The following RPS6KC1 variants were observed in gnomAD, a reference collection of about 807,000 sequenced individuals.
The protein encoded by RPS6KC1 is inactive ribosomal protein S6 kinase delta-1.
RPS6KC1 carries 54 observed loss-of-function variants against 103.8 expected under a neutral mutation model. The observed-to-expected ratio is 0.52, with a 90% CI of 0.42 to 0.65. RPS6KC1 has a LOEUF of 0.65. RPS6KC1 is among the 30% of genes least tolerant of loss of function. RPS6KC1 has a pLI of 0.00. For synonymous variants in RPS6KC1, 439 were observed against 438.7 expected (o/e 1.00, Z -0.01); for missense variants, 1,151 against 1,253.8 (o/e 0.92, Z 1.24).
chr1:213,762,400 T>A, the RPS6KC1 span, among the ~76,000 whole-genome samples: 1 of 152,198 alleles, frequency 6.6e-6, no homozygotes, highest in Non-Finnish European at 1.5e-5. Context: ...CCCAGCATCC[T>A]GGGCCATTCT....
At chr1:213,676,735 C>A in the RPS6KC1 span, among the ~76,000 whole-genome samples, 1 of 152,220 alleles carries the variant, frequency 6.6e-6, no homozygotes, top group Non-Finnish European at 1.5e-5. Flanking sequence ...GGGGCATGCC[C>A]CTTCTCCAAC....
chr1:213,652,458 C>T, the RPS6KC1 span, among the ~76,000 whole-genome samples: 5 of 152,190 alleles, frequency 3.3e-5, no homozygotes, highest in African/African-American at 7.2e-5. Flanking sequence ...ACTGTGATAT[C>T]GGGCAGACTG....
the RPS6KC1 span, among the ~76,000 whole-genome samples, chr1:213,657,359 G>C: frequency 2.3e-4 from 35 of 152,084 alleles, no homozygotes; most frequent in African/African-American, 8.5e-4. Flanking sequence ...AGGAACATAG[G>C]GGTCATTGAA....
At chr1:213,459,203 T>C in the RPS6KC1 span, among the ~76,000 whole-genome samples, 1 of 152,220 alleles carries the variant, frequency 6.6e-6, no homozygotes, top group African/African-American at 2.4e-5. Flanking sequence ...TTTGTACGTC[T>C]GGTAGAATTC....
chr1:213,642,943 T>G, the RPS6KC1 span, among the ~76,000 whole-genome samples: 1 of 151,960 alleles, frequency 6.6e-6, no homozygotes, highest in Admixed American at 6.6e-5. Flanking sequence ...TATTGTACAT[T>G]CTTTCATCTG....
At chr1:213,478,400 G>C in the RPS6KC1 span, among the ~76,000 whole-genome samples, 1 of 152,072 alleles carries the variant, frequency 6.6e-6, no homozygotes, top group African/African-American at 2.4e-5. Flanking sequence ...CAGATTTTAT[G>C]ATAAAAGTGT....
At chr1:213,331,237 G>T in the RPS6KC1 span, among the ~76,000 whole-genome samples, 4 of 152,094 alleles carry the variant, frequency 2.6e-5, no homozygotes, top group African/African-American at 9.7e-5. Context: ...TGAATTCTAG[G>T]TCTCCATCCA....
At chr1:213,484,162 C>A in the RPS6KC1 span, among the ~76,000 whole-genome samples, 4 of 152,208 alleles carry the variant, frequency 2.6e-5, no homozygotes, top group Non-Finnish European at 2.9e-5. Context: ...TTATCACCAT[C>A]TTCCTAGAAT....
the RPS6KC1 span, among the ~76,000 whole-genome samples, chr1:213,748,981 A>G: frequency 4.6e-5 from 7 of 152,254 alleles, no homozygotes; most frequent in Non-Finnish European, 8.8e-5. Flanking sequence ...GAAAATGTTC[A>G]CCAGGCTGGA....
At chr1:213,465,001 C>T in the RPS6KC1 span, among the ~76,000 whole-genome samples, 2 of 152,014 alleles carry the variant, frequency 1.3e-5, no homozygotes, top group Admixed American at 6.6e-5. Flanking sequence ...AAAGTCACAC[C>T]CCTTTCCAGG....
At chr1:213,235,624 G>C (rs2094204546) in intron 10 of RPS6KC1, among the ~76,000 whole-genome samples, 1 of 152,078 alleles carries the variant, frequency 6.6e-6, no homozygotes, top group Admixed American at 6.5e-5. Flanking sequence ...TAGAGGCAGG[G>C]GTGTGCTTGG....
chr1:213,466,485 G>A, the RPS6KC1 span, among the ~76,000 whole-genome samples: 13 of 152,220 alleles, frequency 8.5e-5, no homozygotes, highest in Non-Finnish European at 1.9e-4. Context: ...GGGGTGGCCA[G>A]AGGAGCCCTT....
chr1:213,591,797 A>T, the RPS6KC1 span, among the ~76,000 whole-genome samples: 1 of 152,204 alleles, frequency 6.6e-6, no homozygotes, highest in African/African-American at 2.4e-5. Flanking sequence ...TAGAATTACA[A>T]CTGAGGCTTC....
the RPS6KC1 span, among the ~76,000 whole-genome samples, chr1:213,462,588 G>C: frequency 1.3e-5 from 2 of 152,204 alleles, no homozygotes; most frequent in Admixed American, 6.5e-5. Context: ...AAAAGGATGA[G>C]TTCATGTCCT....
chr1:213,246,192 T>C (rs2094451853), intron 12 of RPS6KC1, among the ~76,000 whole-genome samples: 1 of 152,120 alleles, frequency 6.6e-6, no homozygotes, highest in South Asian at 2.1e-4. Context: ...AGGTTCACTT[T>C]GTATCCTTAG....
At chr1:213,259,068 C>A (rs1453089815) in intron 12 of RPS6KC1, among the ~76,000 whole-genome samples, 1 of 152,154 alleles carries the variant, frequency 6.6e-6, no homozygotes, top group Non-Finnish European at 1.5e-5. Flanking sequence ...ACTCCTGATT[C>A]CTAGTTCATT....
At chr1:213,361,135 A>C in the RPS6KC1 span, among the ~76,000 whole-genome samples, 13 of 152,360 alleles carry the variant, frequency 8.5e-5, no homozygotes, top group Non-Finnish European at 1.5e-4. Context: ...CCTTTTGTTC[A>C]GCTATGCCCT....
downstream of RPS6KC1, among the ~76,000 whole-genome samples, chr1:213,279,619 A>G (rs2095118792): frequency 6.6e-6 from 1 of 152,150 alleles, no homozygotes; most frequent in Non-Finnish European, 1.5e-5. Context: ...TTGCTCTTAG[A>G]AGACATTACA....
chr1:213,131,449 GTT>G (rs11364597), intron 6 of RPS6KC1, among the ~76,000 whole-genome samples: 13 of 147,806 alleles, frequency 8.8e-5, no homozygotes, highest in Admixed American at 1.3e-4. Flanking sequence ...ATAATGTTAG[GTT>G]TTTTTTTTTT....
Sources: allele counts gnomAD v4.1 joint callset (sites outside exome capture counted in the v4.1 genomes callset), GRCh38; gene constraint gnomAD v4.1.1; transcripts MANE v1.5; gene names NCBI Gene and HGNC (gene_info 2026-07-23, HGNC 2026-07-21).